Variants in PTPRU observed in about 807,000 individuals in gnomAD.
PTPRU encodes receptor-type tyrosine-protein phosphatase U.
PTPRU carries 69 observed loss-of-function variants against 166.3 expected under a neutral mutation model. The observed-to-expected ratio is 0.41, with a 90% confidence interval of 0.34 to 0.51. The LOEUF (loss-of-function observed/expected upper bound fraction) is 0.51, where lower values mean the gene tolerates loss of function less well. Among genes scored for constraint, PTPRU ranks in the 20% least tolerant of loss-of-function variants. The pLI, the probability that PTPRU is intolerant of heterozygous loss-of-function variation, is 0.09. For missense variants in PTPRU, 1,657 were observed against 2,013.7 expected (o/e 0.82, Z 3.39); for synonymous variants, 793 against 814.0 (o/e 0.97, Z 0.44).
chr1:29,304,770 G>A lies in PTPRU; in HGVS notation c.2668-4G>A, dbSNP rs373979112. On this transcript the variant is annotated splice_region_variant and splice_polypyrimidine_tract_variant and intron_variant, in intron 16 of 29. Coordinates refer to ENST00000373779, the MANE Select transcript of PTPRU (RefSeq NM_133178.4). ...CCACTGACCACCACTTTTCTTTCTG[G>A]TAGAGCTTCTTTGAAGGCTGGGACG... 15 of 1,607,702 alleles carry A rather than the reference G, an allele frequency of 9.3e-6. No homozygotes were observed. Among genetic ancestry groups the A allele is most frequent in the Non-Finnish European group, 1.3e-5 (15 of 1,175,082 alleles).
intron 15 of PTPRU, among the ~76,000 whole-genome samples, chr1:29,302,289 T>C (rs1384428651): frequency 6.6e-6 from 1 of 152,226 alleles, no homozygotes; most frequent in Admixed American, 6.5e-5. Flanking sequence ...ACTATGTGCA[T>C]GTCATTACAA....
chr1:29,316,593 A>G (rs1224719203), intron 24 of PTPRU, among the ~76,000 whole-genome samples: 2 of 152,186 alleles, frequency 1.3e-5, no homozygotes. Context: ...AGCTGGATCC[A>G]GGGGCTCAGA....
intron 1 of PTPRU, among the ~76,000 whole-genome samples, chr1:29,253,562 A>G (rs569079025): frequency 1.3e-5 from 2 of 152,184 alleles, no homozygotes; most frequent in East Asian, 3.9e-4. Context: ...TTTTATATAT[A>G]TAAATAAATA....
In PTPRU at chr1:29,315,595, A is replaced by G; in HGVS notation, c.3363+88A>G. 2 of 1,563,076 alleles carry G rather than the reference A, an allele frequency of 1.3e-6. No individual in the cohort carries two copies. The highest frequency in any genetic ancestry group is 1.8e-6 in the Non-Finnish European group (2 of 1,142,770). ...ATCCTGGAGCCGGCAGAGCATGCCC[A>G]AAGGGTGTCCTGAGGCTCTTGCCTT... On this transcript the variant is annotated intron_variant, in intron 23 of 29. Transcript: ENST00000373779. This position sits in a 1 kb window ranked among gnomAD's most constrained non-coding sequence, Gnocchi z 4.5.
intron 7 of PTPRU, among the ~76,000 whole-genome samples, chr1:29,270,975 G>C (rs1337594937): frequency 2.6e-5 from 4 of 151,808 alleles, no homozygotes; most frequent in Non-Finnish European, 4.4e-5. Flanking sequence ...AACAAACAAA[G>C]AAAAAAAAGA....
rs1300162481 is a variant in PTPRU, at chr1:29,282,945, A to C, written c.2138A>C (p.Lys713Thr). Residue 713 changes from lysine to threonine, a missense_variant, in exon 12 of 30, where the codon AAG becomes ACG. Transcript: ENST00000373779. ...TACTTCCAGGCAGCAAGCCACCTGA[A>C]GGGGGTGAGGGACCGGCCAGGGTCA... ...LIYFQAASHL[K>T]GETRLNCIRI... 5.0e-6 allele frequency: 8 copies of C among 1,612,822 alleles called. No homozygotes were observed. The Admixed American group carries it at 1.2e-4, about 24-fold the overall frequency.
At chr1:29,303,108 A>G (rs1199609092) in intron 15 of PTPRU, among the ~76,000 whole-genome samples, 2 of 152,230 alleles carry the variant, frequency 1.3e-5, no homozygotes, top group Non-Finnish European at 2.9e-5. Flanking sequence ...TAAGCGATGC[A>G]TAAGTATTAA....
At chr1:29,278,220 T>C (rs1256938957) in intron 8 of PTPRU, among the ~76,000 whole-genome samples, 1 of 152,252 alleles carries the variant, frequency 6.6e-6, no homozygotes, top group Non-Finnish European at 1.5e-5. Flanking sequence ...CCTTGGTTTA[T>C]GGCTTTGTCT....
At chr1:29,250,294 T>C (rs1684493676) in intron 1 of PTPRU, among the ~76,000 whole-genome samples, 1 of 152,158 alleles carries the variant, frequency 6.6e-6, no homozygotes, top group Admixed American at 6.5e-5. Flanking sequence ...TGGGACCTGC[T>C]TTGTACTGGC....
intron 18 of PTPRU, chr1:29,307,279 A>G: frequency 8.1e-7 from 1 of 1,233,078 alleles, no homozygotes; most frequent in Non-Finnish European, 1.2e-6. Context: ...TTATGTGCCC[A>G]GCACCAACCG....
Position 29,258,785 on chromosome 1 carries a change from G to C in PTPRU, c.477+9G>C, listed in dbSNP as rs368319976. 4.7e-5 allele frequency: 74 copies of C among 1,559,924 alleles called. No homozygotes were observed. Among genetic ancestry groups the C allele is most frequent in the Non-Finnish European group, 6.2e-5 (71 of 1,152,384 alleles). On this transcript the variant is annotated intron_variant, in intron 3 of 29. Coordinates refer to ENST00000373779, the MANE Select transcript of PTPRU (RefSeq NM_133178.4). ...GGCCCAATGAATATCAGGTGGGCTG[G>C]GTTCAGTCAGCGGTCAGCCTGTGCC...
chr1:29,242,573 A>G (rs984092827), intron 1 of PTPRU, among the ~76,000 whole-genome samples: 10 of 152,230 alleles, frequency 6.6e-5, no homozygotes, highest in African/African-American at 2.2e-4. Context: ...CAGTTGCACT[A>G]GTCAGATTTC....
intron 26 of PTPRU, among the ~76,000 whole-genome samples, chr1:29,322,355 T>C (rs759888172): frequency 6.6e-6 from 1 of 152,120 alleles, no homozygotes; most frequent in Non-Finnish European, 1.5e-5. Context: ...GAAAAACTGA[T>C]AGTGACAGCA....
In PTPRU at chr1:29,269,050, T is replaced by C. The variant is rs559227016; in HGVS notation, c.1145-6398T>C. On this transcript the variant is annotated intron_variant, in intron 7 of 29. Coordinates refer to ENST00000373779, the MANE Select transcript of PTPRU (RefSeq NM_133178.4). ...TTTGTTTTAGTTTTTTGTTTTATTT[T>C]GTTTTTAGAGACAGGGTCTCACTCT... Among the ~76,000 whole-genome samples, 145 of 151,754 alleles carry C rather than the reference T, an allele frequency of 9.6e-4. No homozygotes were observed. In the South Asian group the frequency reaches 0.029, roughly 30 times the overall value.
chr1:29,310,684 G>T (rs372004376), intron 18 of PTPRU, 60 bp from the exon 19 acceptor site: 446 of 1,530,616 alleles, frequency 2.9e-4, no homozygotes, highest in Non-Finnish European at 3.8e-4. Flanking sequence ...GGTAGAGGAG[G>T]TGTGGGGGAG....
intron 1 of PTPRU, among the ~76,000 whole-genome samples, chr1:29,248,725 C>T (rs541417602): frequency 1.3e-5 from 2 of 152,262 alleles, no homozygotes; most frequent in African/African-American, 4.8e-5. Flanking sequence ...CACACTGACA[C>T]ATACACGTAT....
At position 29,316,139 on chromosome 1, in the gene PTPRU, G is replaced by A; in HGVS notation, c.3501G>A (p.Arg1167=). 6.2e-7 allele frequency: 1 copy of A among 1,614,088 alleles called. No homozygotes were observed. The highest frequency in any genetic ancestry group is 8.5e-7 in the Non-Finnish European group (1 of 1,180,026). The part of the protein sequence containing the change: ...IDPQSNSSQL[R]EEFQTLNSVT... Reference sequence around the variant, plus strand: ...CTCAGAGTAATTCCTCCCAGCTGCGGGAAGAGTTCCAGGTGGGGGATGAGT... The same window carrying A: ...CTCAGAGTAATTCCTCCCAGCTGCGAGAAGAGTTCCAGGTGGGGGATGAGT... Residue 1167 remains arginine, a synonymous_variant, in exon 24 of 30, where the codon CGG becomes CGA. Transcript: ENST00000373779.
intron 1 of PTPRU, among the ~76,000 whole-genome samples, chr1:29,239,101 C>T (rs1428589792): frequency 6.6e-6 from 1 of 152,200 alleles, no homozygotes; most frequent in Non-Finnish European, 1.5e-5. Context: ...GCCTCTGCTA[C>T]TTGCTATTCA....
intron 1 of PTPRU, among the ~76,000 whole-genome samples, chr1:29,244,073 G>C (rs1445444311): frequency 6.6e-6 from 1 of 152,184 alleles, no homozygotes; most frequent in Non-Finnish European, 1.5e-5. Context: ...GCTGAGGCTT[G>C]GGAGTTTGAG....
Sources: gnomAD v4.1 joint callset for allele counts (sites outside exome capture counted in the v4.1 genomes callset) on GRCh38, gnomAD v4.1.1 for gene constraint, Gnocchi (gnomAD v3.1) non-coding constraint, MANE v1.5 for transcripts, NCBI Gene and HGNC (gene_info 2026-07-23, HGNC 2026-07-21) for gene names.